RBM23: variants seen among roughly 807,000 people sequenced by gnomAD.
RBM23 encodes the protein RNA binding motif protein 23.
A neutral mutation model predicts 56.2 loss-of-function variants in RBM23; 53 were observed. The ratio of observed to expected loss-of-function variants is 0.94; its 90% CI spans 0.76 to 1.19. RBM23 has a LOEUF of 1.19. RBM23 is among the 50% of genes most tolerant of loss of function. RBM23 has a pLI of 0.00. For missense variants in RBM23, 642 were observed against 590.3 expected, an observed-to-expected ratio of 1.09 and a Z score of -0.91; for synonymous variants, 197 against 198.5, an observed-to-expected ratio of 0.99 and a Z score of 0.06.
intron 1 of RBM23, among the ~76,000 whole-genome samples, chr14:22,916,407 C>G (rs537021940): frequency 4.0e-5 from 6 of 151,102 alleles, no homozygotes; most frequent in African/African-American, 1.5e-4. Flanking sequence ...CAGGTGTGCA[C>G]TATGATGCCA....
chr14:22,906,400 C>G, intron 4 of RBM23, 32 bp from the exon 5 acceptor site: 1 of 1,608,606 alleles, frequency 6.2e-7, no homozygotes, highest in East Asian at 2.2e-5. Context: ...GTCATGCCCA[C>G]ATCATGTTTA....
At position 22,904,977 on chromosome 14, in the gene RBM23, G is replaced by A; in HGVS notation, c.762C>T (p.Asn254=). ...EKNRLAAMAN[N]LQKGNGGPMR... ...TTGGTCCACCATTGCCCTTTTGCAG[G>A]TTGTTGGCCATGGCTGCCAGTCGGT... Residue 254 remains asparagine, a synonymous_variant, in exon 9 of 14, where the codon AAC becomes AAT. Transcript: ENST00000359890. The A allele has an allele frequency of 6.2e-7, 1 of 1,614,220 alleles. No homozygotes were observed. The highest frequency in any genetic ancestry group is 1.1e-5 in the South Asian group (1 of 91,090).
chr14:22,911,359 G>T lies in RBM23; in HGVS notation c.35C>A (p.Ala12Asp). ...TTTTTTATAGGGAGCTTCCAGCATGGCCTCAATCACTATGTCAAAGTCATC... is the reference window on the plus strand; with the variant it reads ...TTTTTTATAGGGAGCTTCCAGCATGTCCTCAATCACTATGTCAAAGTCATC... ...ASDDFDIVIE[A>D]MLEAPYKKEE... Residue 12 changes from alanine (A) to aspartate (D), a missense_variant, in exon 2 of 14, where the codon GCC becomes GAC. Physicochemically the swap from Ala to Asp is moderately radical, Grantham distance 126. Transcript: ENST00000359890. 1 of 1,613,652 alleles carries T rather than the reference G, an allele frequency of 6.2e-7. No individual in the cohort carries two copies. Among genetic ancestry groups the T allele is most frequent in the Non-Finnish European group, 8.5e-7 (1 of 1,179,704 alleles).
chr14:22,906,124 G>A (rs1252717717), intron 5 of RBM23, 71 bp downstream of exon 5: 1 of 1,539,598 alleles, frequency 6.5e-7, no homozygotes, highest in Non-Finnish European at 8.9e-7. Flanking sequence ...CCCTCAAGCA[G>A]GGTTCATAGT....
Position 22,905,651 on chromosome 14 carries a change from T to C in RBM23, c.410A>G (p.Tyr137Cys), listed in dbSNP as rs771563219. The C allele has an allele frequency of 6.2e-7, 1 of 1,606,852 alleles. No homozygotes were observed. The highest frequency in any genetic ancestry group is 1.1e-5 in the South Asian group (1 of 90,888). Residue 137 changes from tyrosine to cysteine, a missense_variant, in exon 6 of 14, where the codon TAT becomes TGT. Physicochemically the swap from Tyr to Cys is radical, Grantham distance 194. Coordinates refer to ENST00000359890, the MANE Select transcript of RBM23 (RefSeq NM_001077351.2). ...GAAATGAGGACTCTTACTGTGTCCA[T>C]ACCTATAACTAAAGAATAGAGAAAA... ...RSPPLATGYR[Y>C]GHSKSPHFRE...
chr14:22,906,629 T>A (rs956699206), intron 4 of RBM23, among the ~76,000 whole-genome samples: 1 of 152,228 alleles, frequency 6.6e-6, no homozygotes, highest in Admixed American at 6.5e-5. Flanking sequence ...CTCATGAAGA[T>A]AGAAAGACTA....
Position 22,909,586 on chromosome 14 carries a change from G to A in RBM23, c.76C>T (p.Gln26Ter), listed in dbSNP as rs369252018. 1.2e-6 allele frequency: 2 copies of A among 1,613,078 alleles called. No individual in the cohort carries two copies. Among genetic ancestry groups the A allele is most frequent in the Admixed American group, 3.3e-5 (2 of 59,970 alleles). The change falls in exon 3 of 14, where the codon CAA (glutamine) becomes TAA (stop). Residue 26 changes from glutamine (Q) to a stop codon, truncating the protein, a stop_gained. Coordinates refer to ENST00000359890, the MANE Select transcript of RBM23 (RefSeq NM_001077351.2). LOFTEE classifies it high-confidence loss of function. ...APYKKEEDEQ[Q>*]RKEVKKDYPS... is the part of the protein sequence containing the mutation. Reference sequence around the variant, plus strand: ...TAATCCTTTTTAACTTCTTTCCTTTGTTGCTCATCCTGAGGCATTCACCAG... The same window carrying A: ...TAATCCTTTTTAACTTCTTTCCTTTATTGCTCATCCTGAGGCATTCACCAG...
intron 5 of RBM23, 92 bp from the exon 6 acceptor site, chr14:22,905,751 C>T (rs551202453): frequency 6.1e-6 from 6 of 990,720 alleles, no homozygotes; most frequent in African/African-American, 4.8e-5. Flanking sequence ...TCCAGTACTT[C>T]ATCTCATTGT....
intron 2 of RBM23, among the ~76,000 whole-genome samples, chr14:22,910,173 A>AAAAAAAAAAAAAAAAAAAAAAAG (rs2042226600): frequency 7.5e-6 from 1 of 132,986 alleles, no homozygotes; most frequent in African/African-American, 2.8e-5. Flanking sequence ...AAAAAAAAAA[A>AAAAAAAAAAAAAAAAAAAAAAAG]AAAAGAGGCT....
At chr14:22,914,216 T>C (rs2043095069) in intron 1 of RBM23, among the ~76,000 whole-genome samples, 1 of 150,508 alleles carries the variant, frequency 6.6e-6, no homozygotes, top group Non-Finnish European at 1.5e-5. Context: ...TCCCAGCTAC[T>C]CAGGAGGCTG....
intron 10 of RBM23, chr14:22,903,585 A>C: frequency 1.0e-6 from 1 of 989,316 alleles, no homozygotes; most frequent in Non-Finnish European, 1.2e-6. Flanking sequence ...AATACAACCT[A>C]CTGCCCTCTG....
chr14:22,901,745 A>G lies in RBM23; in HGVS notation c.1317-12T>C. The G allele has an allele frequency of 6.2e-7, 1 of 1,613,914 alleles. No individual in the cohort carries two copies. The highest frequency in any genetic ancestry group is 8.5e-7 in the Non-Finnish European group (1 of 1,179,736). On this transcript the variant is annotated splice_polypyrimidine_tract_variant and intron_variant, in intron 13 of 13. Coordinates refer to ENST00000359890, the MANE Select transcript of RBM23 (RefSeq NM_001077351.2). Reference sequence around the variant, plus strand: ...TGCCACTGATTTACCTGTGGAAAGAAGAGGTAAATGGGAAGCCAAAGGAAA... The same window carrying G: ...TGCCACTGATTTACCTGTGGAAAGAGGAGGTAAATGGGAAGCCAAAGGAAA...
At chr14:22,914,348 C>T (rs573136019) in intron 1 of RBM23, among the ~76,000 whole-genome samples, 3 of 147,988 alleles carry the variant, frequency 2.0e-5, no homozygotes, top group Non-Finnish European at 4.5e-5. Context: ...AAAAAATAGC[C>T]GGGTGTGGTG....
chr14:22,918,932 G>C (rs1283083521), intron 1 of RBM23, 67 bp downstream of exon 1: 2 of 152,156 alleles, frequency 1.3e-5, no homozygotes, highest in African/African-American at 2.4e-5. Flanking sequence ...CGTCAGGGGG[G>C]AGGCGCCGTG....
intron 1 of RBM23, among the ~76,000 whole-genome samples, chr14:22,918,410 G>A (rs1187808037): frequency 7.5e-6 from 1 of 132,806 alleles, no homozygotes. Flanking sequence ...TAAAAAAAAA[G>A]AGGTCCTATA....
intron 5 of RBM23, chr14:22,905,877 G>A (rs2041454802): frequency 1.7e-6 from 1 of 600,408 alleles, no homozygotes; most frequent in South Asian, 2.1e-5. Context: ...GCCTCCTTGT[G>A]TGGCTAGGAT....
In RBM23 at chr14:22,897,728, G is replaced by A. The variant is rs1207406060; in HGVS notation, c.*4002C>T. On this transcript the variant is annotated 3_prime_UTR_variant, in exon 14 of 14. Coordinates refer to ENST00000359890, the MANE Select transcript of RBM23 (RefSeq NM_001077351.2). ...ACTTCCTCACTGACTCCAAGGCCTTGTCTTCCATGGTGGTGCTGAGAGGCA... is the reference window on the plus strand; with the variant it reads ...ACTTCCTCACTGACTCCAAGGCCTTATCTTCCATGGTGGTGCTGAGAGGCA... 1.3e-5 allele frequency: 2 copies of A among 152,236 alleles called. No homozygotes were observed. The highest frequency in any genetic ancestry group is 2.9e-5 in the Non-Finnish European group (2 of 68,054). The allele number at this position is 152,236 out of a possible 1,614,324, so 9.4% of individuals were successfully genotyped here.
chr14:22,910,354 G>A (rs1235782223), intron 2 of RBM23, among the ~76,000 whole-genome samples: 4 of 145,944 alleles, frequency 2.7e-5, no homozygotes, highest in Non-Finnish European at 6.0e-5. Context: ...AGCTACTTGG[G>A]AGGCAGGAGA....
intron 4 of RBM23, among the ~76,000 whole-genome samples, chr14:22,907,277 G>A (rs2041735688): frequency 6.6e-6 from 1 of 152,174 alleles, no homozygotes; most frequent in Non-Finnish European, 1.5e-5. Flanking sequence ...GGGAGGCAGA[G>A]GTTGCGGTGA....
Sources: gnomAD v4.1 joint callset for allele counts (sites outside exome capture counted in the v4.1 genomes callset) on GRCh38, gnomAD v4.1.1 for gene constraint, MANE v1.5 for transcripts, NCBI Gene and HGNC (gene_info 2026-07-23, HGNC 2026-07-21) for gene names.